MIA3: variants seen among roughly 807,000 people sequenced by gnomAD.
MIA3 encodes transport and Golgi organization protein 1 homolog.
In MIA3, 90 loss-of-function variants were observed where a neutral mutation model predicts 192.4. That is an observed-to-expected ratio of 0.47 (90% CI 0.39 to 0.56). The LOEUF is 0.56. Ranked by LOEUF, MIA3 falls within the 20% of genes least tolerant of loss-of-function variation. MIA3 has a pLI of 0.00. For missense variants in MIA3, 2,123 were observed against 2,269.4 expected, an observed-to-expected ratio of 0.94 and a Z score of 1.31; for synonymous variants, 740 against 792.8, an observed-to-expected ratio of 0.93 and a Z score of 1.12.
intron 23 of MIA3, 70 bp from the exon 24 acceptor site, chr1:222,660,107 A>G (rs1663935214): frequency 6.3e-7 from 1 of 1,591,254 alleles, no homozygotes; most frequent in Non-Finnish European, 8.6e-7. Flanking sequence ...GTACCCTAGG[A>G]ATAATCCCAA....
chr1:222,637,791 A>C (rs539235268), intron 6 of MIA3, among the ~76,000 whole-genome samples: 2 of 151,156 alleles, frequency 1.3e-5, no homozygotes, highest in South Asian at 4.2e-4. Context: ...CTCTGGGCTC[A>C]GGTGATCCTC....
intron 1 of MIA3, among the ~76,000 whole-genome samples, chr1:222,618,676 TG>T (rs1262180655): frequency 1.3e-5 from 2 of 151,000 alleles, no homozygotes; most frequent in Non-Finnish European, 3.0e-5. Flanking sequence ...AAAGCTTTCC[TG>T]CCCGCGCTGC....
chr1:222,652,238 C>T lies in MIA3; in HGVS notation c.3992C>T (p.Ala1331Val), dbSNP rs749321451. The change falls in exon 13 of 28, where the codon GCA (alanine) becomes GTA (valine). Residue 1331 changes from alanine to valine, a missense_variant. Transcript: ENST00000344922. ...AGTGTTTTGCATTAGGTTCAGATTG[C>T]ACTTAATGAAGCTAAGCTTAGTGAA... ...NASEFSEVQI[A>V]LNEAKLSEEK... 4.3e-6 allele frequency: 7 copies of T among 1,611,228 alleles called. No individual in the cohort carries two copies. The highest frequency in any genetic ancestry group is 5.9e-6 in the Non-Finnish European group (7 of 1,177,640).
Position 222,654,725 on chromosome 1 carries a change from C to T in MIA3, c.4539C>T (p.Cys1513=). Residue 1513 remains cysteine (C), a synonymous_variant, in exon 18 of 28, where the codon TGC becomes TGT. Coordinates refer to ENST00000344922, the MANE Select transcript of MIA3 (RefSeq NM_198551.4). ...CCAAAGCTGGACTGGAAGATGAATG[C>T]AAAACCTTGAGGCAGAAAGTGGAGA... ...QAAKAGLEDE[C]KTLRQKVEIL... 1 of 1,614,094 alleles carries T rather than the reference C, an allele frequency of 6.2e-7. No individual in the cohort carries two copies. Among genetic ancestry groups the T allele is most frequent in the Non-Finnish European group, 8.5e-7 (1 of 1,179,964 alleles).
At chr1:222,665,246 C>A in intron 27 of MIA3, 63 bp from the exon 28 acceptor site, 4 of 988,930 alleles carry the variant, frequency 4.0e-6, no homozygotes, top group Non-Finnish European at 6.1e-6. Context: ...ATTAACATAC[C>A]TGGCATTATC....
rs769546295 is a variant in MIA3 at position 222,662,172 on chromosome 1, G to T, written c.5182+48G>T. ...AGAGTCTAAAACCATGCAGGAAGTGGGGAGAGGATTTTTTTTTTAATCCTC... is the reference window on the plus strand; with the variant it reads ...AGAGTCTAAAACCATGCAGGAAGTGTGGAGAGGATTTTTTTTTTAATCCTC... On this transcript the variant is annotated intron_variant, in intron 25 of 27. Transcript: ENST00000344922. 3 of 1,602,780 alleles carry T rather than the reference G, an allele frequency of 1.9e-6. No homozygotes were observed. The South Asian group carries it at 3.3e-5, about 18-fold the overall frequency.
intron 1 of MIA3, among the ~76,000 whole-genome samples, chr1:222,618,846 A>C (rs1661731298): frequency 6.6e-6 from 1 of 151,922 alleles, no homozygotes; most frequent in Non-Finnish European, 1.5e-5. Context: ...CCGCCTTTTG[A>C]ACAGGAATTG....
At chr1:222,657,144 G>A (rs1663774400) in intron 18 of MIA3, among the ~76,000 whole-genome samples, 1 of 152,208 alleles carries the variant, frequency 6.6e-6, no homozygotes, top group Non-Finnish European at 1.5e-5. Flanking sequence ...CTACATAAAA[G>A]ATATGAGATT....
chr1:222,622,734 T>G (rs1452776148), intron 2 of MIA3, among the ~76,000 whole-genome samples: 1 of 151,866 alleles, frequency 6.6e-6, no homozygotes, highest in East Asian at 1.9e-4. Context: ...AAAAGTTAAG[T>G]TTTTTTTTCC....
intron 19 of MIA3, 137 bp downstream of exon 19, chr1:222,658,960 T>C: frequency 3.4e-6 from 2 of 583,498 alleles, no homozygotes; most frequent in East Asian, 3.1e-5. Flanking sequence ...AAATTTTAAG[T>C]TAACAAATGG....
chr1:222,633,265 T>C lies in MIA3; in HGVS notation c.3477+16T>C. On this transcript the variant is annotated intron_variant, in intron 6 of 27. Coordinates refer to ENST00000344922, the MANE Select transcript of MIA3 (RefSeq NM_198551.4). ...AACTAAGTCGGTAAGTTTAACATAGTTTTTTTTTAACTAAAATGTTGATTA... is the reference window on the plus strand; with the variant it reads ...AACTAAGTCGGTAAGTTTAACATAGCTTTTTTTTAACTAAAATGTTGATTA... 1 of 1,512,226 alleles carries C rather than the reference T, an allele frequency of 6.6e-7. No homozygotes were observed. Among genetic ancestry groups the C allele is most frequent in the Non-Finnish European group, 9.0e-7 (1 of 1,109,172 alleles). 93.7% of individuals were successfully genotyped at this position (1,512,226 alleles called of 1,614,324 possible).
intron 7 of MIA3, among the ~76,000 whole-genome samples, chr1:222,646,578 C>T (rs949411789): frequency 5.9e-5 from 9 of 151,818 alleles, no homozygotes; most frequent in Admixed American, 5.2e-4. Context: ...AAGACAAAAC[C>T]CCATCTCTAC....
chr1:222,658,834 C>T lies in MIA3; in HGVS notation c.4709+11C>T, dbSNP rs1231659902. 1 of 1,584,988 alleles carries T rather than the reference C, an allele frequency of 6.3e-7. No homozygotes were observed. Among genetic ancestry groups the T allele is most frequent in the South Asian group, 1.1e-5 (1 of 90,024 alleles). On this transcript the variant is annotated intron_variant, in intron 19 of 27. Coordinates refer to ENST00000344922, the MANE Select transcript of MIA3 (RefSeq NM_198551.4). The stretch of plus-strand genomic sequence containing the variant: ...AGTAAAAACTTACAAGTAAGTTCAC[C>T]TCCTAAAGAGGGTATCAGTGGCTAA...
At position 222,629,826 on chromosome 1, in the gene MIA3, G is replaced by A; in HGVS notation, c.2606G>A (p.Gly869Glu). 6.2e-7 allele frequency: 1 copy of A among 1,613,762 alleles called. No homozygotes were observed. The highest frequency in any genetic ancestry group is 8.5e-7 in the Non-Finnish European group (1 of 1,179,922). ...CATCTGAAGACCTCAGGGCTTGCAG[G>A]GGAGCCTGAGGGAGAACTCTCAAAA... ...EEHLKTSGLA[G>E]EPEGELSKED... Residue 869 changes from glycine (G) to glutamate (E), a missense_variant, in exon 4 of 28, where the codon GGG becomes GAG. Transcript: ENST00000344922.
At chr1:222,645,531 C>G (rs1663097166) in intron 6 of MIA3, 23 bp from the exon 7 acceptor site, 14 of 1,572,682 alleles carry the variant, frequency 8.9e-6, no homozygotes, top group Non-Finnish European at 1.1e-5. Flanking sequence ...CTCATTATTT[C>G]TAACATTATT....
At chr1:222,636,570 C>T (rs1462041831) in intron 6 of MIA3, among the ~76,000 whole-genome samples, 18 of 140,018 alleles carry the variant, frequency 1.3e-4, no homozygotes, top group East Asian at 4.2e-4. Flanking sequence ...TAGAGTGCTG[C>T]GGTGCCATCT....
rs1664313592 is a variant in MIA3, at chr1:222,666,819, T to G, written c.*1200T>G. 6.6e-6 allele frequency: 1 copy of G among 152,194 alleles called. No homozygotes were observed. The highest frequency in any genetic ancestry group is 2.4e-5 in the African/African-American group (1 of 41,442). The allele number at this position is 152,194 out of a possible 1,614,324, so 9.4% of individuals were successfully genotyped here. ...GCACCATACTTAAAGTCTTATCCAT[T>G]ACTACACTGTCTTTAAAACAATGTT... On this transcript the variant is annotated 3_prime_UTR_variant, in exon 28 of 28. Transcript: ENST00000344922.
chr1:222,632,994 G>A lies in MIA3; in HGVS notation c.3332-110G>A, dbSNP rs184034030. 3.7e-3 allele frequency: 4,170 copies of A among 1,131,492 alleles called. 10 individuals are homozygous for A. The highest frequency in any genetic ancestry group is 4.4e-3 in the Non-Finnish European group (3,417 of 783,498). 70.1% of individuals were successfully genotyped at this position (1,131,492 alleles called of 1,614,324 possible). A position where few individuals can be genotyped will look rare whatever the true frequency, so the allele number is the denominator to read the frequency against. ...TAAACATCCAGTGAGAGATGAGAAC[G>A]TTTACTTTCCAGGCACAGTGCCTAA... is the stretch of plus-strand genomic sequence containing the variant. On this transcript the variant is annotated intron_variant, in intron 5 of 27. Transcript: ENST00000344922.
In MIA3 at chr1:222,624,860, T is replaced by A. The variant is rs748507677; in HGVS notation, c.354+6T>A. The A allele has an allele frequency of 6.5e-7, 1 of 1,538,034 alleles. No homozygotes were observed. ...AGCTACAAGTTCCAACAGATGTAAGTTGTGGATTTCTGTCTTGTTCTCAGT... is the reference window on the plus strand; with the variant it reads ...AGCTACAAGTTCCAACAGATGTAAGATGTGGATTTCTGTCTTGTTCTCAGT... On this transcript the variant is annotated splice_donor_region_variant and intron_variant, in intron 3 of 27. Transcript: ENST00000344922.
Sources: allele counts gnomAD v4.1 joint callset (sites outside exome capture counted in the v4.1 genomes callset), GRCh38; gene constraint gnomAD v4.1.1; transcripts MANE v1.5; gene names NCBI Gene and HGNC (gene_info 2026-07-23, HGNC 2026-07-21).